Variants in PRDM5 observed in about 807,000 individuals in gnomAD.
The protein encoded by PRDM5 is PR/SET domain 5, also known as PR domain zinc finger protein 5.
PRDM5 carries 56 observed loss-of-function variants against 81.2 expected under a neutral mutation model. The ratio of observed to expected loss-of-function variants is 0.69; its 90% CI spans 0.56 to 0.86. The LOEUF is 0.86. Ranked by LOEUF, PRDM5 falls within the 40% of genes least tolerant of loss-of-function variation. PRDM5 has a pLI of 0.00. For missense variants in PRDM5, 697 were observed against 770.1 expected (o/e 0.91, Z 1.12); for synonymous variants, 267 against 256.4 (o/e 1.04, Z -0.39).
At chr4:120,774,652 C>G (rs1024065052) in intron 13 of PRDM5, among the ~76,000 whole-genome samples, 14 of 152,144 alleles carry the variant, frequency 9.2e-5, no homozygotes, top group African/African-American at 3.4e-4. Flanking sequence ...AGCCACCAAC[C>G]ACTTCCAACA....
intron 2 of PRDM5, among the ~76,000 whole-genome samples, chr4:120,854,226 T>C (rs2149422450): frequency 6.6e-6 from 1 of 152,262 alleles, no homozygotes; most frequent in Admixed American, 6.5e-5. Context: ...CAAAAGCAGG[T>C]AACCCATTGG....
intron 7 of PRDM5, among the ~76,000 whole-genome samples, chr4:120,812,051 C>T (rs1358885954): frequency 3.3e-5 from 5 of 152,100 alleles, no homozygotes; most frequent in Non-Finnish European, 5.9e-5. Context: ...CCTCTGGTAA[C>T]CATCATTCTA....
At chr4:120,874,775 G>C (rs1188030545) in intron 2 of PRDM5, among the ~76,000 whole-genome samples, 2 of 152,188 alleles carry the variant, frequency 1.3e-5, no homozygotes, top group African/African-American at 4.8e-5. Context: ...CTGATACTGT[G>C]GGTATACTGA....
At chr4:120,920,926 C>A (rs1724832017) in intron 1 of PRDM5, among the ~76,000 whole-genome samples, 2 of 151,696 alleles carry the variant, frequency 1.3e-5, no homozygotes, top group African/African-American at 4.8e-5. Flanking sequence ...AAAATACTTA[C>A]AAAGAATCAA....
intron 6 of PRDM5, 111 bp from the exon 7 acceptor site, chr4:120,816,685 C>T: frequency 1.3e-6 from 2 of 1,541,146 alleles, no homozygotes; most frequent in South Asian, 1.1e-5. Context: ...GTTTCGGGGT[C>T]ATTCCATGCA....
chr4:120,777,138 T>C, intron 13 of PRDM5, 50 bp downstream of exon 13: 1 of 1,612,598 alleles, frequency 6.2e-7, no homozygotes, highest in Non-Finnish European at 8.5e-7. Flanking sequence ...CTTGGAAGCA[T>C]GTGATTTCTC....
Position 120,872,605 on chromosome 4 carries a change from T to C in PRDM5, c.178-19065A>G, listed in dbSNP as rs958256498. ...TACAACAAAAATAAAAGATAAAAAATTAGCCAGTGGTGGTGGTGCACACTT... is the reference window on the plus strand; with the variant it reads ...TACAACAAAAATAAAAGATAAAAAACTAGCCAGTGGTGGTGGTGCACACTT... On this transcript the variant is annotated intron_variant, in intron 2 of 15. Transcript: ENST00000264808. 2.6e-5 allele frequency among the ~76,000 whole-genome samples: 4 copies of C among 152,168 alleles called. No homozygotes were observed. The East Asian group carries it at 5.8e-4, about 22-fold the overall frequency.
At chr4:120,789,513 A>G (rs1435401437) in intron 10 of PRDM5, among the ~76,000 whole-genome samples, 1 of 152,218 alleles carries the variant, frequency 6.6e-6, no homozygotes, top group Non-Finnish European at 1.5e-5. Context: ...TAGAAGAAAC[A>G]ACTAAAGATA....
intron 8 of PRDM5, among the ~76,000 whole-genome samples, chr4:120,802,036 C>T (rs952997360): frequency 1.3e-5 from 2 of 151,918 alleles, no homozygotes; most frequent in Non-Finnish European, 2.9e-5. Context: ...AAATGGAAAT[C>T]GTTAAATGAA....
chr4:120,781,080 A>T, intron 12 of PRDM5, 63 bp downstream of exon 12: 2 of 1,370,928 alleles, frequency 1.5e-6, no homozygotes, highest in Non-Finnish European at 1.0e-6. Context: ...ATGTTAGTTA[A>T]CATATATACC....
At chr4:120,902,317 A>G (rs1360958833) in intron 2 of PRDM5, among the ~76,000 whole-genome samples, 3 of 152,216 alleles carry the variant, frequency 2.0e-5, no homozygotes, top group Non-Finnish European at 4.4e-5. Flanking sequence ...GAGAAAACGT[A>G]CTTGAATTGT....
intron 14 of PRDM5, among the ~76,000 whole-genome samples, chr4:120,736,804 A>G (rs1741190166): frequency 6.6e-6 from 1 of 152,232 alleles, no homozygotes; most frequent in Non-Finnish European, 1.5e-5. Flanking sequence ...CAGTCTTTAG[A>G]TCAATGAGCA....
intron 15 of PRDM5, among the ~76,000 whole-genome samples, chr4:120,702,667 A>T (rs1735554991): frequency 6.6e-6 from 1 of 152,198 alleles, no homozygotes; most frequent in South Asian, 2.1e-4. Flanking sequence ...ACCCCCAAAG[A>T]CTGCAGAATA....
intron 14 of PRDM5, among the ~76,000 whole-genome samples, chr4:120,744,664 T>G (rs184963457): frequency 0.025 from 3,757 of 151,614 alleles, 66 homozygotes; most frequent in Non-Finnish European, 0.037. Flanking sequence ...TCTACGCAAA[T>G]AAACTAGAAA....
At chr4:120,891,693 G>A (rs553953139) in intron 2 of PRDM5, among the ~76,000 whole-genome samples, 25 of 152,128 alleles carry the variant, frequency 1.6e-4, no homozygotes, top group South Asian at 1.2e-3. Context: ...AGAGTGACAC[G>A]TTCTCAGCTC....
chr4:120,881,552 G>A (rs1762842428), intron 2 of PRDM5, among the ~76,000 whole-genome samples: 1 of 152,122 alleles, frequency 6.6e-6, no homozygotes, highest in Admixed American at 6.5e-5. Flanking sequence ...TTTTGTGTCT[G>A]GATTTTTTGA....
At chr4:120,919,876 G>A (rs1724677203) in intron 1 of PRDM5, among the ~76,000 whole-genome samples, 1 of 152,016 alleles carries the variant, frequency 6.6e-6, no homozygotes, top group South Asian at 2.1e-4. Context: ...ATGAACTCAG[G>A]TCTCCTTTTT....
At chr4:120,690,564 G>A (rs1440173601), downstream of PRDM5, among the ~76,000 whole-genome samples, 2 of 152,002 alleles carry the variant, frequency 1.3e-5, no homozygotes, top group Non-Finnish European at 2.9e-5. Flanking sequence ...AAAAAGATAT[G>A]CCAGTCAAAC....
At chr4:120,726,995 G>A (rs1476746891) in intron 14 of PRDM5, among the ~76,000 whole-genome samples, 1 of 152,126 alleles carries the variant, frequency 6.6e-6, no homozygotes, top group Admixed American at 6.5e-5. Flanking sequence ...TATATTTCTT[G>A]GTGATAAACT....
Sources: gnomAD v4.1 joint callset for allele counts (sites outside exome capture counted in the v4.1 genomes callset) on GRCh38, gnomAD v4.1.1 for gene constraint, MANE v1.5 for transcripts, NCBI Gene and HGNC (gene_info 2026-07-23, HGNC 2026-07-21) for gene names.